TMEM119: variants seen among roughly 807,000 people sequenced by gnomAD.
TMEM119 encodes transmembrane protein 119.
For missense variants in TMEM119, 410 were observed against 381.0 expected (o/e 1.08, Z -0.63); for synonymous variants, 182 against 176.4 (o/e 1.03, Z -0.25).
At position 108,591,838 on chromosome 12, in the gene TMEM119, G is replaced by T; in HGVS notation, c.546C>A (p.Asn182Lys). Residue 182 changes from asparagine to lysine, a missense_variant, in exon 2 of 2, where the codon AAC becomes AAA. By Grantham distance (94) the Asn-to-Lys change is moderately conservative. Transcript: ENST00000392806. This position sits in a 1 kb window ranked among gnomAD's most constrained non-coding sequence, Gnocchi z 4.2. Reference protein sequence around the residue: ...LQADILAATQNLKSPTRAALG... With the variant: ...LQADILAATQKLKSPTRAALG... Reference sequence around the variant, plus strand: ...GTGCAGCCCTGGTGGGGGACTTGAGGTTCTGGGTGGCGGCCAAGATGTCGG... The same window carrying T: ...GTGCAGCCCTGGTGGGGGACTTGAGTTTCTGGGTGGCGGCCAAGATGTCGG... 6.2e-7 allele frequency: 1 copy of T among 1,603,100 alleles called. No individual in the cohort carries two copies.
chr12:108,597,776 C>T (rs993350977), intron 1 of TMEM119, among the ~76,000 whole-genome samples, 194 bp downstream of exon 1: 2 of 152,080 alleles, frequency 1.3e-5, no homozygotes, highest in African/African-American at 4.8e-5. Flanking sequence ...CACAACACTC[C>T]GGCCCACCCT....
In TMEM119 at chr12:108,592,167, T is replaced by C; in HGVS notation, c.217A>G (p.Thr73Ala). The C allele has an allele frequency of 6.2e-7, 1 of 1,613,640 alleles. No individual in the cohort carries two copies. The highest frequency in any genetic ancestry group is 8.5e-7 in the Non-Finnish European group (1 of 1,179,864). Residue 73 changes from threonine (T) to alanine (A), a missense_variant, in exon 2 of 2, where the codon ACC (threonine) becomes GCC (alanine). Transcript: ENST00000392806. This position sits in a 1 kb window ranked among gnomAD's most constrained non-coding sequence, Gnocchi z 4.3. ...GTGGGGGGTGATGGGCCCCCCAGGG[T>C]TATGGGCTGGGGCCCCATCGATGTG... Reference protein sequence around the residue: ...SPTSMGPQPITLGGPSPPTNF... With the variant: ...SPTSMGPQPIALGGPSPPTNF...
chr12:108,597,249 C>T (rs889312684), intron 1 of TMEM119, among the ~76,000 whole-genome samples: 3 of 152,064 alleles, frequency 2.0e-5, no homozygotes, highest in South Asian at 2.1e-4. Context: ...GCTAGGGGAC[C>T]GGGGGCTGCC....
Position 108,592,279 on chromosome 12 carries a change from C to A in TMEM119, c.105G>T (p.Leu35=). ...CCTCCCCACTACCCGCCACATCCTCCAGGAACGTGGCCTTCAGGGGCACAG... is the reference window on the plus strand; with the variant it reads ...CCTCCCCACTACCCGCCACATCCTCAAGGAACGTGGCCTTCAGGGGCACAG... The part of the protein sequence containing the change: ...ARSVPLKATF[L]EDVAGSGEAE... Residue 35 remains leucine, a synonymous_variant, in exon 2 of 2, where the codon CTG becomes CTT. Transcript: ENST00000392806. This position sits in a 1 kb window ranked among gnomAD's most constrained non-coding sequence, Gnocchi z 4.3. The A allele has an allele frequency of 6.2e-7, 1 of 1,610,062 alleles. No homozygotes were observed. Among genetic ancestry groups the A allele is most frequent in the Non-Finnish European group, 8.5e-7 (1 of 1,179,104 alleles).
Position 108,591,365 on chromosome 12 carries a change from G to T in TMEM119, c.*167C>A. The T allele has an allele frequency of 1.3e-6, 1 of 797,352 alleles. No individual in the cohort carries two copies. The highest frequency in any genetic ancestry group is 1.9e-6 in the Non-Finnish European group (1 of 523,258). 49.4% of individuals were successfully genotyped at this position (797,352 alleles called of 1,614,324 possible). A position where few individuals can be genotyped will look rare whatever the true frequency, so the allele number is the denominator to read the frequency against. On this transcript the variant is annotated 3_prime_UTR_variant, in exon 2 of 2. Transcript: ENST00000392806. The surrounding 1 kb of genome is among the most constrained non-coding windows in gnomAD (Gnocchi z 4.2). ...TTGGTAAGATTCCTCCGGGGCACCGGGGACCAGCATTTCTGCCTGCTGTAG... is the reference window on the plus strand; with the variant it reads ...TTGGTAAGATTCCTCCGGGGCACCGTGGACCAGCATTTCTGCCTGCTGTAG...
chr12:108,594,538 G>C lies in TMEM119; in HGVS notation c.-14-2141C>G, dbSNP rs1163667473. 3.5e-5 allele frequency: 3 copies of C among 84,768 alleles called. No homozygotes were observed. The East Asian group carries it at 1.6e-3, about 46-fold the overall frequency. 5.3% of individuals were successfully genotyped at this position (84,768 alleles called of 1,614,324 possible). On this transcript the variant is annotated intron_variant, in intron 1 of 1. Coordinates refer to ENST00000392806, the MANE Select transcript of TMEM119 (RefSeq NM_181724.3). ...ACTGCACTCCAGCCTGGGTGACAGA[G>C]CAAGAACCTGTCAAAAAAAAAAAGA...
intron 1 of TMEM119, among the ~76,000 whole-genome samples, chr12:108,595,074 G>T (rs1055608839): frequency 6.6e-6 from 1 of 151,986 alleles, no homozygotes; most frequent in Non-Finnish European, 1.5e-5. Flanking sequence ...GGAAACAGAG[G>T]TTCAGAGACA....
Position 108,591,620 on chromosome 12 carries a change from C to T in TMEM119, c.764G>A (p.Gly255Glu), listed in dbSNP as rs1210826188. The T allele has an allele frequency of 1.2e-6, 2 of 1,613,994 alleles. No homozygotes were observed. Among genetic ancestry groups the T allele is most frequent in the South Asian group, 2.2e-5 (2 of 91,080 alleles). The change falls in exon 2 of 2, where the codon GGG (glycine) becomes GAG (glutamate). Residue 255 changes from glycine (G) to glutamate (E), a missense_variant. By Grantham distance (98) the Gly-to-Glu change is moderately conservative (BLOSUM62 -2). Transcript: ENST00000392806. The surrounding 1 kb of genome is among the most constrained non-coding windows in gnomAD (Gnocchi z 4.2). The stretch of plus-strand genomic sequence containing the variant: ...GGCTTCCTGGGCTAACAAGAGAGAC[C>T]CTTCCAGCTCCCCTTGGCCCTCACC... ...VAGEGQGELE[G>E]SLLLAQEAQG... is the part of the protein sequence containing the mutation.
chr12:108,591,433 G>T lies in TMEM119; in HGVS notation c.*99C>A. Reference sequence around the variant, plus strand: ...ATTGGCACCACAGGGAGGCCAAGGAGGGAGTGTCAGGAAGCAGTCAGGGCT... The same window carrying T: ...ATTGGCACCACAGGGAGGCCAAGGATGGAGTGTCAGGAAGCAGTCAGGGCT... On this transcript the variant is annotated 3_prime_UTR_variant, in exon 2 of 2. Transcript: ENST00000392806. The surrounding 1 kb of genome is among the most constrained non-coding windows in gnomAD (Gnocchi z 4.2). 1 of 1,362,242 alleles carries T rather than the reference G, an allele frequency of 7.3e-7. No homozygotes were observed. Among genetic ancestry groups the T allele is most frequent in the Non-Finnish European group, 9.9e-7 (1 of 1,011,356 alleles). The allele number at this position is 1,362,242 out of a possible 1,614,324, so 84.4% of individuals were successfully genotyped here. A position where few individuals can be genotyped will look rare whatever the true frequency, so the allele number is the denominator to read the frequency against.
rs2031431625 is a variant in TMEM119 at position 108,592,502 on chromosome 12, T to A, written c.-14-105A>T. On this transcript the variant is annotated intron_variant, in intron 1 of 1. Coordinates refer to ENST00000392806, the MANE Select transcript of TMEM119 (RefSeq NM_181724.3). The surrounding 1 kb of genome is among the most constrained non-coding windows in gnomAD (Gnocchi z 4.3). Reference sequence around the variant, plus strand: ...GGAGGAACAGGGAGCATGAAACACCTTCTAGCAAGTCCCTTCCATTCCCAG... The same window carrying A: ...GGAGGAACAGGGAGCATGAAACACCATCTAGCAAGTCCCTTCCATTCCCAG... 3 of 1,251,104 alleles carry A rather than the reference T, an allele frequency of 2.4e-6. No homozygotes were observed. Among genetic ancestry groups the A allele is most frequent in the South Asian group, 3.1e-5 (2 of 64,140 alleles). The allele number at this position is 1,251,104 out of a possible 1,614,324, so 77.5% of individuals were successfully genotyped here.
chr12:108,593,815 C>G (rs2031459914), intron 1 of TMEM119, among the ~76,000 whole-genome samples: 1 of 152,246 alleles, frequency 6.6e-6, no homozygotes, highest in Admixed American at 6.5e-5. Context: ...TCTCTCCCAG[C>G]CAATGTGAGC....
In TMEM119 at chr12:108,592,341, G is replaced by C. The variant is rs765605696; in HGVS notation, c.43C>G (p.Leu15Val). The C allele has an allele frequency of 2.5e-6, 4 of 1,583,012 alleles. No homozygotes were observed. The South Asian group carries it at 4.5e-5, about 18-fold the overall frequency. The part of the protein sequence containing the change: ...AAPSLLILLL[L>V]LLGSVPATDA... ...GTAGCAGGCACAGACCCCAGGAGCA[G>C]CAACAGAAGGATGAGGAGGCTGGGG... The change falls in exon 2 of 2, where the codon CTG becomes GTG. Residue 15 changes from leucine to valine, a missense_variant. Leu to Val is a conservative substitution (Grantham distance 32). Coordinates refer to ENST00000392806, the MANE Select transcript of TMEM119 (RefSeq NM_181724.3). The surrounding 1 kb of genome is among the most constrained non-coding windows in gnomAD (Gnocchi z 4.3).
At chr12:108,595,392 G>T (rs1420517876) in intron 1 of TMEM119, among the ~76,000 whole-genome samples, 1 of 101,124 alleles carries the variant, frequency 9.9e-6, no homozygotes, top group African/African-American at 4.0e-5. Flanking sequence ...ACACAACCAT[G>T]CACACACATA....
At chr12:108,597,291 G>A (rs2031518762) in intron 1 of TMEM119, among the ~76,000 whole-genome samples, 1 of 152,140 alleles carries the variant, frequency 6.6e-6, no homozygotes, top group African/African-American at 2.4e-5. Context: ...TGGCCTTTGG[G>A]GGAGGGGCGG....
chr12:108,591,765 C>T lies in TMEM119; in HGVS notation c.619G>A (p.Glu207Lys). The change falls in exon 2 of 2, where the codon GAA (glutamate) becomes AAA (lysine). Residue 207 changes from glutamate (E) to lysine (K), a missense_variant. Coordinates refer to ENST00000392806, the MANE Select transcript of TMEM119 (RefSeq NM_181724.3). This position sits in a 1 kb window ranked among gnomAD's most constrained non-coding sequence, Gnocchi z 4.2. The stretch of plus-strand genomic sequence containing the variant: ...CCCTCCTGGCTGCCCTTCTCCTCTT[C>T]CTCTGCGCCCCTGCCCTCCACCATC... ...ARMVEGRGAE[E>K]EEKGSQEGDQ... 1 of 1,596,502 alleles carries T rather than the reference C, an allele frequency of 6.3e-7. No homozygotes were observed. Among genetic ancestry groups the T allele is most frequent in the Non-Finnish European group, 8.5e-7 (1 of 1,170,394 alleles).
intron 1 of TMEM119, among the ~76,000 whole-genome samples, chr12:108,597,336 G>C (rs374927728): frequency 1.3e-5 from 2 of 152,070 alleles, no homozygotes; most frequent in South Asian, 2.1e-4. Flanking sequence ...GTGGCCTTGT[G>C]GGGGAGGGGT....
rs2031383498 is a variant in TMEM119 at position 108,591,010 on chromosome 12, C to G, written c.*522G>C. 1 of 152,580 alleles carries G rather than the reference C, an allele frequency of 6.6e-6. No homozygotes were observed. The highest frequency in any genetic ancestry group is 2.1e-4 in the South Asian group (1 of 4,830). The allele number at this position is 152,580 out of a possible 1,614,324, so 9.5% of individuals were successfully genotyped here. On this transcript the variant is annotated 3_prime_UTR_variant, in exon 2 of 2. Coordinates refer to ENST00000392806, the MANE Select transcript of TMEM119 (RefSeq NM_181724.3). This position sits in a 1 kb window ranked among gnomAD's most constrained non-coding sequence, Gnocchi z 4.2. ...CCAAAACTCCCACTTATTCTTTGCT[C>G]CCTTGATGGAAAAGCAGTGATGTTT... is the stretch of plus-strand genomic sequence containing the variant.
Position 108,592,431 on chromosome 12 carries a change from G to A in TMEM119, c.-14-34C>T, listed in dbSNP as rs765550809. ...CAGGAGGGAGGAGAGAAGTCATGGC[G>A]GAACTCTAGAGTGTCAGGATTCAGA... On this transcript the variant is annotated intron_variant, in intron 1 of 1. Coordinates refer to ENST00000392806, the MANE Select transcript of TMEM119 (RefSeq NM_181724.3). The surrounding 1 kb of genome is among the most constrained non-coding windows in gnomAD (Gnocchi z 4.3). 1.6e-5 allele frequency: 24 copies of A among 1,514,478 alleles called. 1 individual carries two copies. The highest frequency in any genetic ancestry group is 2.5e-5 in the South Asian group (2 of 80,022). The allele number at this position is 1,514,478 out of a possible 1,614,324, so 93.8% of individuals were successfully genotyped here.
In TMEM119 at chr12:108,591,931, A is replaced by G. The variant is rs7972096; in HGVS notation, c.453T>C (p.Ser151=). ...TGTCGGGGGCTCTGTCGGGGACCTC[A>G]CTGAAGGCCCGGGGGCCCCCGGCCC... ...SDRAGGPRAF[S]EVPDRAPDSR... Residue 151 remains serine (S), a synonymous_variant, in exon 2 of 2, where the codon AGT becomes AGC. Coordinates refer to ENST00000392806, the MANE Select transcript of TMEM119 (RefSeq NM_181724.3). This position sits in a 1 kb window ranked among gnomAD's most constrained non-coding sequence, Gnocchi z 4.2. 5.4e-3 allele frequency: 8,667 copies of G among 1,612,662 alleles called. 369 individuals are homozygous for G. The African/African-American group carries it at 0.099, about 18-fold the overall frequency.
Sources: gnomAD v4.1 joint callset for allele counts (sites outside exome capture counted in the v4.1 genomes callset) on GRCh38, gnomAD v4.1.1 for gene constraint, Gnocchi (gnomAD v3.1) non-coding constraint, MANE v1.5 for transcripts, NCBI Gene and HGNC (gene_info 2026-07-23, HGNC 2026-07-21) for gene names.